The following NALF1 variants were observed in gnomAD, a reference collection of about 807,000 sequenced individuals.
NALF1 encodes the protein NALCN channel auxiliary factor 1, also known as family with sequence similarity 155 member A.
NALF1 carries 3 observed loss-of-function variants against 48.4 expected under a neutral mutation model. The observed-to-expected ratio is 0.06, with a 90% confidence interval of 0.03 to 0.16. The LOEUF (loss-of-function observed/expected upper bound fraction) is 0.16. Ranked by LOEUF, NALF1 falls within the 10% of genes least tolerant of loss-of-function variation. NALF1 has a pLI of 1.00. For synonymous variants in NALF1, 262 were observed against 245.7 expected (o/e 1.07, Z -0.62); for missense variants, 526 against 571.5 (o/e 0.92, Z 0.81).
At chr13:107,685,510 A>G (rs1211562796) in intron 1 of NALF1, among the ~76,000 whole-genome samples, 1 of 152,212 alleles carries the variant, frequency 6.6e-6, no homozygotes, top group Non-Finnish European at 1.5e-5. Context: ...ATAGTAATGA[A>G]TAAAAGATAA....
chr13:107,347,698 A>G (rs946854659), intron 1 of NALF1, among the ~76,000 whole-genome samples: 29 of 152,340 alleles, frequency 1.9e-4, no homozygotes, highest in African/African-American at 5.8e-4. Context: ...GTGTTAAGTC[A>G]AATGAAAAGA....
intron 1 of NALF1, among the ~76,000 whole-genome samples, chr13:107,347,940 C>T (rs1882803723): frequency 6.6e-6 from 1 of 152,188 alleles, no homozygotes; most frequent in Non-Finnish European, 1.5e-5. Flanking sequence ...TCTACGCCAG[C>T]CTGGACTTGG....
At chr13:107,301,543 A>C (rs544359143) in intron 1 of NALF1, among the ~76,000 whole-genome samples, 1 of 152,340 alleles carries the variant, frequency 6.6e-6, no homozygotes, top group African/African-American at 2.4e-5. Flanking sequence ...TAAACTTGAA[A>C]GGAATTATCT....
intron 1 of NALF1, among the ~76,000 whole-genome samples, chr13:107,290,334 T>G (rs1279678440): frequency 6.6e-6 from 1 of 152,024 alleles, no homozygotes. Flanking sequence ...GGAAAAAAGA[T>G]GTCGATACGG....
intron 1 of NALF1, among the ~76,000 whole-genome samples, chr13:107,549,980 AAGAT>A (rs1349154150): frequency 2.0e-5 from 3 of 152,230 alleles, no homozygotes; most frequent in South Asian, 2.1e-4. Flanking sequence ...TTTTTTAAGA[AAGAT>A]AGACCATTAA....
chr13:107,794,619 T>A (rs1163027305), intron 1 of NALF1, among the ~76,000 whole-genome samples: 1 of 150,816 alleles, frequency 6.6e-6, no homozygotes, highest in East Asian at 1.9e-4. Flanking sequence ...TTTCTACAAG[T>A]ATTCTTAAAG....
chr13:107,750,200 G>A (rs909442695), intron 1 of NALF1, among the ~76,000 whole-genome samples: 3 of 152,274 alleles, frequency 2.0e-5, no homozygotes, highest in East Asian at 3.9e-4. Context: ...ACACTGGGAC[G>A]TGCGGACCTA....
intron 1 of NALF1, among the ~76,000 whole-genome samples, chr13:107,610,189 A>G (rs1036103466): frequency 6.6e-6 from 1 of 152,212 alleles, no homozygotes; most frequent in African/African-American, 2.4e-5. Context: ...TACTTTGACA[A>G]GCACCTGGGC....
chr13:107,822,079 T>C (rs74112638), intron 1 of NALF1, among the ~76,000 whole-genome samples: 5,915 of 146,542 alleles, frequency 0.04, 445 homozygotes, highest in African/African-American at 0.16. Flanking sequence ...AAAATGTATA[T>C]GTGTATCATT....
At chr13:107,538,631 G>A (rs1292213159) in intron 1 of NALF1, among the ~76,000 whole-genome samples, 1 of 152,040 alleles carries the variant, frequency 6.6e-6, no homozygotes, top group Non-Finnish European at 1.5e-5. Flanking sequence ...CTAATCATAT[G>A]ATATCATAGA....
chr13:107,443,624 G>T (rs1029417494), intron 1 of NALF1, among the ~76,000 whole-genome samples: 6 of 149,832 alleles, frequency 4.0e-5, no homozygotes, highest in Admixed American at 1.3e-4. Flanking sequence ...TTATTGATTT[G>T]CAATTATGCT....
chr13:107,839,250 A>C (rs1052781932), intron 1 of NALF1, among the ~76,000 whole-genome samples: 1 of 151,140 alleles, frequency 6.6e-6, no homozygotes, highest in African/African-American at 2.4e-5. Flanking sequence ...CACACCATGT[A>C]AAATCGTAGG....
chr13:107,510,918 T>A (rs1594102331), intron 1 of NALF1, among the ~76,000 whole-genome samples: 3 of 152,202 alleles, frequency 2.0e-5, no homozygotes, highest in Non-Finnish European at 2.9e-5. Flanking sequence ...AAATAAGATT[T>A]ATTAAGATTC....
At chr13:107,790,896 A>G (rs1878211857) in intron 1 of NALF1, among the ~76,000 whole-genome samples, 1 of 151,708 alleles carries the variant, frequency 6.6e-6, no homozygotes, top group African/African-American at 2.4e-5. Flanking sequence ...AAAATACAGG[A>G]TTCTTATTCT....
chr13:107,329,027 CA>C (rs752164001), intron 1 of NALF1, among the ~76,000 whole-genome samples: 2 of 151,542 alleles, frequency 1.3e-5, no homozygotes, highest in Non-Finnish European at 2.9e-5. Flanking sequence ...AATGAGTTAT[CA>C]AAATGAGGTA....
intron 1 of NALF1, among the ~76,000 whole-genome samples, chr13:107,639,728 C>T (rs1409669067): frequency 1.3e-5 from 2 of 152,154 alleles, no homozygotes; most frequent in Admixed American, 1.3e-4. Flanking sequence ...AGTCTCAACT[C>T]AGGCATGATG....
At chr13:107,749,049 T>A (rs1373945402) in intron 1 of NALF1, among the ~76,000 whole-genome samples, 2 of 152,214 alleles carry the variant, frequency 1.3e-5, no homozygotes, top group East Asian at 3.9e-4. Context: ...TAGAATGCTA[T>A]TCCTGAAAGA....
intron 1 of NALF1, among the ~76,000 whole-genome samples, chr13:107,717,645 C>T (rs1875861202): frequency 6.6e-6 from 1 of 151,520 alleles, no homozygotes; most frequent in South Asian, 2.1e-4. Context: ...TTAATCTACA[C>T]AGAAAAAGAC....
intron 2 of NALF1, among the ~76,000 whole-genome samples, chr13:107,194,014 A>ATCTG (rs1266645720): frequency 2.1e-5 from 1 of 46,962 alleles, no homozygotes; most frequent in Non-Finnish European, 4.7e-5. Flanking sequence ...TATCTTATCT[A>ATCTG]TCTATCTATC....
Sources: allele counts gnomAD v4.1 joint callset (sites outside exome capture counted in the v4.1 genomes callset), GRCh38; gene constraint gnomAD v4.1.1; transcripts MANE v1.5; gene names NCBI Gene and HGNC (gene_info 2026-07-23, HGNC 2026-07-21).